The following SAMD3 variants were observed in gnomAD, a reference collection of about 807,000 sequenced individuals.
SAMD3 encodes the protein sterile alpha motif domain-containing protein 3.
In SAMD3, 63 loss-of-function variants were observed where a neutral mutation model predicts 58.5. The observed-to-expected ratio is 1.08, with a 90% CI of 0.88 to 1.33. SAMD3 has a LOEUF of 1.33. Ranked by LOEUF, SAMD3 falls within the 40% of genes most tolerant of loss-of-function variation. SAMD3 has a pLI of 0.00. For missense variants in SAMD3, 604 were observed against 608.4 expected (o/e 0.99, Z 0.08); for synonymous variants, 220 against 210.3 (o/e 1.05, Z -0.40).
intron 2 of SAMD3, among the ~76,000 whole-genome samples, chr6:130,292,228 T>C (rs1775384712): frequency 6.6e-6 from 1 of 151,976 alleles, no homozygotes; most frequent in East Asian, 1.9e-4. Context: ...ACTTAGAACT[T>C]AGGTGATTCA....
At chr6:130,288,646 TA>T (rs551028963) in intron 2 of SAMD3, among the ~76,000 whole-genome samples, 158 of 152,338 alleles carry the variant, frequency 1.0e-3, no homozygotes, top group African/African-American at 3.6e-3. Flanking sequence ...GGATGGAAAC[TA>T]ATGTGGATGT....
In SAMD3 at chr6:130,232,365, G is replaced by A. The variant is rs563224741; in HGVS notation, c.-187-9552C>T. ...CCAAGCAGGATCGAGTTCAGTTACC[G>A]TCAGTGTTAATGGGCTAATTAATGC... On this transcript the variant is annotated intron_variant, in intron 2 of 13. Coordinates refer to the SAMD3 transcript ENST00000368134. Among the ~76,000 whole-genome samples, 16 of 152,240 alleles carry A rather than the reference G, an allele frequency of 1.1e-4. 1 individual carries two copies. Among genetic ancestry groups the A allele is most frequent in the South Asian group, 6.2e-4 (3 of 4,818 alleles).
Position 130,215,739 on chromosome 6 carries a change from A to G in SAMD3, c.-21-445T>C, listed in dbSNP as rs116198848. The G allele has an allele frequency of 2.6e-3, 3,932 of 1,504,762 alleles. 85 individuals are homozygous for G. The African/African-American group carries it at 0.047, about 18-fold the overall frequency. The allele number at this position is 1,504,762 out of a possible 1,614,324, so 93.2% of individuals were successfully genotyped here. On this transcript the variant is annotated intron_variant, in intron 2 of 11. Coordinates refer to ENST00000439090, the MANE Select transcript of SAMD3 (RefSeq NM_001017373.4). Reference sequence around the variant, plus strand: ...AGGAGAGGAAGGGAGGAAGGATCAGATAAAAGCCTGACAGAGATACTTAGT... The same window carrying G: ...AGGAGAGGAAGGGAGGAAGGATCAGGTAAAAGCCTGACAGAGATACTTAGT...
intron 5 of SAMD3, among the ~76,000 whole-genome samples, chr6:130,196,497 C>A (rs1042420145): frequency 2.0e-5 from 3 of 152,152 alleles, no homozygotes; most frequent in African/African-American, 4.8e-5. Context: ...ACCCTGATCA[C>A]ACTTAGTTTA....
chr6:130,257,967 G>T (rs1368977089), intron 2 of SAMD3, among the ~76,000 whole-genome samples: 1 of 152,064 alleles, frequency 6.6e-6, no homozygotes, highest in Non-Finnish European at 1.5e-5. Context: ...GTTATTGCTT[G>T]TAGCAACATA....
intron 1 of SAMD3, among the ~76,000 whole-genome samples, chr6:130,351,797 A>G (rs1237141884): frequency 6.6e-6 from 1 of 152,164 alleles, no homozygotes; most frequent in Non-Finnish European, 1.5e-5. Context: ...ACAATAGCAA[A>G]GATTTGGAAC....
At position 130,254,261 on chromosome 6, in the gene SAMD3, T is replaced by A. The variant is rs1773848747; in HGVS notation, c.-187-31448A>T. ...CAGGCTGGAGTGCAGTGGCGTGATC[T>A]CAGCTCACTGCAAGCTCTGCCTCCC... On this transcript the variant is annotated intron_variant, in intron 2 of 13. Transcript: ENST00000368134. Among the ~76,000 whole-genome samples, 4 of 151,922 alleles carry A rather than the reference T, an allele frequency of 2.6e-5. No individual in the cohort carries two copies. The South Asian group carries it at 8.3e-4, about 32-fold the overall frequency.
chr6:130,227,440 C>A (rs1243975732), upstream of SAMD3, among the ~76,000 whole-genome samples: 2 of 152,096 alleles, frequency 1.3e-5, no homozygotes, highest in Non-Finnish European at 2.9e-5. Flanking sequence ...CAGGGGTGTG[C>A]AAATAGCTGC....
In SAMD3 at chr6:130,162,449, C is replaced by T. The variant is rs374106691; in HGVS notation, c.823-7424G>A. 1.7e-4 allele frequency among the ~76,000 whole-genome samples: 26 copies of T among 152,032 alleles called. 1 individual carries two copies. The highest frequency in any genetic ancestry group is 5.2e-4 in the Admixed American group (8 of 15,268). ...ATAAAGATAACTTTGTTCTATATTC[C>T]ACAATCTGAAAAAGTTTACAAAGAG... On this transcript the variant is annotated intron_variant, in intron 8 of 11. Coordinates refer to ENST00000439090, the MANE Select transcript of SAMD3 (RefSeq NM_001017373.4).
At position 130,327,453 on chromosome 6, in the gene SAMD3, A is replaced by G. The variant is rs112077267; in HGVS notation, c.-303-14360T>C. ...GTCTCTTAAATATTAGAGATTTAGG[A>G]CTGAAAAACATGAAATTCTCTATTT... On this transcript the variant is annotated intron_variant, in intron 1 of 13. Transcript: ENST00000368134. Among the ~76,000 whole-genome samples, 921 of 152,318 alleles carry G rather than the reference A, an allele frequency of 6.0e-3. 6 individuals carry two copies. The highest frequency in any genetic ancestry group is 9.2e-3 in the Non-Finnish European group (628 of 68,008).
chr6:130,143,397 T>G (rs1275021916), downstream of SAMD3, among the ~76,000 whole-genome samples: 1 of 152,028 alleles, frequency 6.6e-6, no homozygotes, highest in Admixed American at 6.6e-5. Context: ...AGGCATGTGC[T>G]ACCACACCCG....
chr6:130,279,421 C>A (rs993975693), intron 2 of SAMD3, among the ~76,000 whole-genome samples: 1 of 151,920 alleles, frequency 6.6e-6, no homozygotes, highest in Admixed American at 6.6e-5. Flanking sequence ...TAAAGAGGTG[C>A]CTTCCTCCAT....
intron 1 of SAMD3, among the ~76,000 whole-genome samples, chr6:130,335,907 C>T (rs1483457926): frequency 1.3e-5 from 2 of 151,738 alleles, no homozygotes; most frequent in Non-Finnish European, 2.9e-5. Context: ...AGTAAACTAT[C>T]GCAAGAACAA....
chr6:130,333,124 G>A (rs943304228), intron 1 of SAMD3, among the ~76,000 whole-genome samples: 10 of 151,548 alleles, frequency 6.6e-5, no homozygotes, highest in Non-Finnish European at 1.3e-4. Flanking sequence ...ATGAGAAGGT[G>A]TAAATCAGTC....
At chr6:130,159,883 A>G (rs184430296) in intron 8 of SAMD3, 2 of 152,342 alleles carry the variant, frequency 1.3e-5, no homozygotes, top group Non-Finnish European at 2.9e-5. Context: ...TTTCATAAAC[A>G]TATGAAAAGA....
chr6:130,235,632 G>C (rs1032733246), intron 2 of SAMD3, among the ~76,000 whole-genome samples: 1 of 152,040 alleles, frequency 6.6e-6, no homozygotes, highest in African/African-American at 2.4e-5. Context: ...TCAAATTTTA[G>C]GTAAAAAGAC....
intron 1 of SAMD3, among the ~76,000 whole-genome samples, chr6:130,319,820 C>T (rs1776522200): frequency 6.6e-6 from 1 of 151,964 alleles, no homozygotes; most frequent in African/African-American, 2.4e-5. Flanking sequence ...GTAAGTTTAA[C>T]ATGTAGAAGT....
upstream of SAMD3, among the ~76,000 whole-genome samples, chr6:130,224,159 T>C (rs1414307202): frequency 6.6e-6 from 1 of 152,126 alleles, no homozygotes; most frequent in Non-Finnish European, 1.5e-5. Context: ...CACATCATAC[T>C]GCTGTTGATG....
chr6:130,292,264 TTTC>T (rs1401145045), intron 2 of SAMD3, among the ~76,000 whole-genome samples: 3 of 126,638 alleles, frequency 2.4e-5, no homozygotes, highest in South Asian at 2.6e-4. Flanking sequence ...TTTTTTTTTC[TTTC>T]TTTCTTTTTT....
Sources: gnomAD v4.1 joint callset for allele counts (sites outside exome capture counted in the v4.1 genomes callset) on GRCh38, gnomAD v4.1.1 for gene constraint, MANE v1.5 for transcripts, NCBI Gene and HGNC (gene_info 2026-07-23, HGNC 2026-07-21) for gene names.